LRIG1: variants seen among roughly 807,000 people sequenced by gnomAD.
The protein encoded by LRIG1 is leucine rich repeats and immunoglobulin like domains 1.
Under a neutral mutation model 99.2 loss-of-function variants are expected in LRIG1, and 48 were observed. That is an observed-to-expected ratio of 0.48 (90% CI 0.38 to 0.62). The LOEUF is 0.62. Among genes scored for constraint, LRIG1 ranks in the 20% least tolerant of loss-of-function variants. LRIG1 has a pLI of 0.00. For missense variants in LRIG1, 1,646 were observed against 1,434.4 expected, an observed-to-expected ratio of 1.15 and a Z score of -2.38; for synonymous variants, 772 against 596.1, an observed-to-expected ratio of 1.29 and a Z score of -4.30.
intron 3 of LRIG1, among the ~76,000 whole-genome samples, chr3:66,436,067 T>C (rs1703346701): frequency 6.6e-6 from 1 of 152,304 alleles, no homozygotes; most frequent in Admixed American, 6.5e-5. Flanking sequence ...TTACTTCCCA[T>C]CATTTAGGAA....
chr3:66,480,956 G>C (rs758314974), intron 1 of LRIG1, among the ~76,000 whole-genome samples: 8 of 152,156 alleles, frequency 5.3e-5, no homozygotes, highest in Non-Finnish European at 8.8e-5. Context: ...GAGAATAATA[G>C]CATGCTATTT....
In LRIG1 at chr3:66,383,311, G is replaced by A. The variant is rs116809906; in HGVS notation, c.2162C>T (p.Pro721Leu). Residue 721 changes from proline (P) to leucine (L), a missense_variant, in exon 15 of 19, where the codon CCG becomes CTG. By Grantham distance (98) the Pro-to-Leu change is moderately conservative. Transcript: ENST00000273261. ...ALQCKATGNP[P>L]PRITWFKGDR... Reference sequence around the variant, plus strand: ...CCCCTTGAACCAGGTGATGCGGGGCGGAGGGTTCCCCGTGGCTTTGCATTG... The same window carrying A: ...CCCCTTGAACCAGGTGATGCGGGGCAGAGGGTTCCCCGTGGCTTTGCATTG... 9.9e-3 allele frequency: 15,961 copies of A among 1,606,720 alleles called. 147 individuals are homozygous for A. Among genetic ancestry groups the A allele is most frequent in the African/African-American group, 0.017 (1,282 of 74,930 alleles).
At chr3:66,383,951 C>CACAA in intron 14 of LRIG1, 40 bp downstream of exon 14, 1 of 1,476,964 alleles carries the variant, frequency 6.8e-7, no homozygotes, top group Non-Finnish European at 9.3e-7. Context: ...CTCTCGCTCA[C>CACAA]ACACACACAC....
At chr3:66,476,918 T>G (rs1386914050) in intron 1 of LRIG1, among the ~76,000 whole-genome samples, 5 of 152,156 alleles carry the variant, frequency 3.3e-5, no homozygotes, top group Non-Finnish European at 2.9e-5. Flanking sequence ...TCCGTTCCCT[T>G]CAAAGTGAAA....
At chr3:66,392,255 T>C (rs1459641977) in intron 12 of LRIG1, among the ~76,000 whole-genome samples, 1 of 152,226 alleles carries the variant, frequency 6.6e-6, no homozygotes, top group African/African-American at 2.4e-5. Flanking sequence ...GCTATGAACA[T>C]TCATGAAGAA....
intron 9 of LRIG1, among the ~76,000 whole-genome samples, chr3:66,402,418 A>G (rs1174321362): frequency 6.7e-6 from 1 of 149,326 alleles, no homozygotes; most frequent in Non-Finnish European, 1.5e-5. Context: ...ACTCTCCAAC[A>G]CAGCTGTGTG....
intron 3 of LRIG1, among the ~76,000 whole-genome samples, chr3:66,417,993 A>G (rs1702667343): frequency 6.6e-6 from 1 of 152,034 alleles, no homozygotes; most frequent in Non-Finnish European, 1.5e-5. Context: ...CCAGCCTAAA[A>G]CCACATAAAG....
intron 3 of LRIG1, among the ~76,000 whole-genome samples, chr3:66,426,441 T>A (rs1702983295): frequency 6.6e-6 from 1 of 152,226 alleles, no homozygotes; most frequent in South Asian, 2.1e-4. Context: ...CAGACTCTAA[T>A]TCTTGCTGTC....
chr3:66,492,082 A>T (rs1701113890), intron 1 of LRIG1, among the ~76,000 whole-genome samples: 1 of 152,214 alleles, frequency 6.6e-6, no homozygotes, highest in African/African-American at 2.4e-5. Context: ...AGCAGAGCCC[A>T]GCTTGTTAAT....
chr3:66,390,815 T>C (rs531922037), intron 12 of LRIG1, among the ~76,000 whole-genome samples: 98 of 152,284 alleles, frequency 6.4e-4, no homozygotes, highest in Middle Eastern at 6.8e-3. Flanking sequence ...AATAGAGATA[T>C]TGAACTTCAC....
In LRIG1 at chr3:66,500,358, C is replaced by T; in HGVS notation, c.50G>A (p.Cys17Tyr). The change falls in exon 1 of 19, where the codon TGC becomes TAC. Residue 17 changes from cysteine to tyrosine, a missense_variant. By Grantham distance (194) the Cys-to-Tyr change is radical. Coordinates refer to ENST00000273261, the MANE Select transcript of LRIG1 (RefSeq NM_015541.3). Reference sequence around the variant, plus strand: ...CAAAAGCAGCCAGAGAAGGAGAAGGCAAGGCGAGCGGCGCGGGGCCCCGAG... The same window carrying T: ...CAAAAGCAGCCAGAGAAGGAGAAGGTAAGGCGAGCGGCGCGGGGCCCCGAG... ...GGLGAPRRSP[C>Y]LLLLWLLLLR... 6.7e-7 allele frequency: 1 copy of T among 1,491,942 alleles called. No individual in the cohort carries two copies. The highest frequency in any genetic ancestry group is 8.9e-7 in the Non-Finnish European group (1 of 1,126,998). The allele number at this position is 1,491,942 out of a possible 1,614,324, so 92.4% of individuals were successfully genotyped here. A position where few individuals can be genotyped will look rare whatever the true frequency, so the allele number is the denominator to read the frequency against.
intron 9 of LRIG1, 88 bp downstream of exon 9, chr3:66,405,108 CAG>C (rs897774572): frequency 2.8e-5 from 32 of 1,140,880 alleles, no homozygotes; most frequent in Middle Eastern, 2.6e-4. Context: ...GGGCCCAGAG[CAG>C]AGAGGCGCGG....
intron 1 of LRIG1, among the ~76,000 whole-genome samples, chr3:66,495,709 C>T (rs994468126): frequency 6.6e-6 from 1 of 152,216 alleles, no homozygotes; most frequent in Non-Finnish European, 1.5e-5. Flanking sequence ...CTCCACCCAG[C>T]CTTCCTATCT....
At chr3:66,396,014 G>T (rs538605065) in intron 11 of LRIG1, among the ~76,000 whole-genome samples, 1 of 152,244 alleles carries the variant, frequency 6.6e-6, no homozygotes, top group Non-Finnish European at 1.5e-5. Context: ...AGGAACAAAC[G>T]GGAAAACAAA....
intron 3 of LRIG1, among the ~76,000 whole-genome samples, chr3:66,432,054 C>T (rs1203189281): frequency 6.6e-6 from 1 of 152,200 alleles, no homozygotes; most frequent in Admixed American, 6.5e-5. Flanking sequence ...AAAACGTAGA[C>T]AATGAACTTT....
Position 66,413,628 on chromosome 3 carries a change from T to C in LRIG1, c.648-614A>G, listed in dbSNP as rs539410081. On this transcript the variant is annotated intron_variant, in intron 5 of 18. Transcript: ENST00000273261. ...GACAAAGCCTCAGTTCACCAAAAGA[T>C]GTCAGGAATCTGGGTGGGCCAGATC... 1.4e-4 allele frequency among the ~76,000 whole-genome samples: 21 copies of C among 152,258 alleles called. No homozygotes were observed. The East Asian group carries it at 3.9e-3, about 28-fold the overall frequency.
At chr3:66,411,245 T>A (rs1164644257) in intron 6 of LRIG1, among the ~76,000 whole-genome samples, 1 of 152,236 alleles carries the variant, frequency 6.6e-6, no homozygotes, top group East Asian at 1.9e-4. Flanking sequence ...TTGCTCCGTG[T>A]TCAGTATTAC....
intron 1 of LRIG1, among the ~76,000 whole-genome samples, chr3:66,477,877 G>C (rs1700759071): frequency 6.6e-6 from 1 of 151,584 alleles, no homozygotes; most frequent in Non-Finnish European, 1.5e-5. Flanking sequence ...GGAGTGGCCT[G>C]CTGTAGGATA....
Position 66,462,492 on chromosome 3 carries a change from T to C in LRIG1, c.236A>G (p.Lys79Arg). The part of the protein sequence containing the change: ...WTRSLNLSYN[K>R]LSEIDPAGFE... ...ACCAGCAGGGTCAATCTCAGAGAGT[T>C]TGTTGTAACTCAGGTTTCTGGTAAA... The change falls in exon 2 of 19, where the codon AAA (lysine) becomes AGA (arginine). Residue 79 changes from lysine to arginine, a missense_variant. Lys to Arg is a conservative substitution (Grantham distance 26). Coordinates refer to ENST00000273261, the MANE Select transcript of LRIG1 (RefSeq NM_015541.3). 6 of 1,612,092 alleles carry C rather than the reference T, an allele frequency of 3.7e-6. No homozygotes were observed. The highest frequency in any genetic ancestry group is 1.3e-5 in the African/African-American group (1 of 74,980).
Sources: allele counts gnomAD v4.1 joint callset (sites outside exome capture counted in the v4.1 genomes callset), GRCh38; gene constraint gnomAD v4.1.1; transcripts MANE v1.5; gene names NCBI Gene and HGNC (gene_info 2026-07-23, HGNC 2026-07-21).